The following SRGAP3 variants were observed in gnomAD, a reference collection of about 807,000 sequenced individuals.
The protein encoded by SRGAP3 is SLIT-ROBO Rho GTPase activating protein 3.
In SRGAP3, 39 loss-of-function variants were observed where a neutral mutation model predicts 121.1. That is an observed-to-expected ratio of 0.32 (90% CI 0.25 to 0.42). SRGAP3 has a LOEUF of 0.42. SRGAP3 is among the 10% of genes least tolerant of loss of function. SRGAP3 has a pLI of 1.00. For synonymous variants in SRGAP3, 601 were observed against 570.0 expected (o/e 1.05, Z -0.77); for missense variants, 1,213 against 1,470.6 (o/e 0.82, Z 2.86).
rs760600147 is a variant in SRGAP3 at position 8,994,440 on chromosome 3, G to C, written c.2311C>G (p.Leu771Val). Residue 771 changes from leucine to valine, a missense_variant, in exon 19 of 22, where the codon CTG becomes GTG. Transcript: ENST00000383836. ...RELSFKKGAS[L>V]LLYHRASEDW... ...TCCGAGGCGCGGTGGTACAGGAGCA[G>C]CGAGGCCCCCTTCTTGAAGGATAGC... The C allele has an allele frequency of 6.2e-7, 1 of 1,614,094 alleles. No homozygotes were observed. Among genetic ancestry groups the C allele is most frequent in the East Asian group, 2.2e-5 (1 of 44,890 alleles).
At chr3:9,356,183 CTTTTT>C (rs916919134) in intron 1 of SRGAP3, among the ~76,000 whole-genome samples, 4 of 136,762 alleles carry the variant, frequency 2.9e-5, no homozygotes, top group African/African-American at 1.2e-4. Context: ...GTTTATGGGA[CTTTTT>C]TTTCTTTTTT....
intron 10 of SRGAP3, among the ~76,000 whole-genome samples, chr3:9,046,882 G>A (rs1008742020): frequency 4.0e-5 from 6 of 151,660 alleles, no homozygotes; most frequent in East Asian, 2.0e-4. Flanking sequence ...CCAGGCTGGA[G>A]TGCAGTGGCA....
At chr3:9,243,728 G>C (rs1235623554) in intron 1 of SRGAP3, among the ~76,000 whole-genome samples, 1 of 151,946 alleles carries the variant, frequency 6.6e-6, no homozygotes, top group Non-Finnish European at 1.5e-5. Flanking sequence ...AATGACTGAA[G>C]ATGAAATAGG....
intron 1 of SRGAP3, among the ~76,000 whole-genome samples, chr3:9,226,849 C>T (rs1194743171): frequency 1.3e-5 from 2 of 152,166 alleles, no homozygotes; most frequent in African/African-American, 2.4e-5. Flanking sequence ...GCTGATGGCT[C>T]TTCATTTCAT....
intron 3 of SRGAP3, among the ~76,000 whole-genome samples, chr3:9,085,916 C>T (rs1489426820): frequency 2.6e-5 from 4 of 152,260 alleles, no homozygotes; most frequent in East Asian, 3.9e-4. Flanking sequence ...CCATGACACA[C>T]GTTTACCTAT....
intron 1 of SRGAP3, among the ~76,000 whole-genome samples, chr3:9,228,834 G>A (rs1467657459): frequency 5.3e-5 from 8 of 151,888 alleles, no homozygotes; most frequent in East Asian, 1.9e-4. Context: ...AGGCCGAGGC[G>A]GGTGGATCAT....
In SRGAP3 at chr3:9,264,155, C is replaced by T. The variant is rs140440875; in HGVS notation, n.442+61855G>A. 7.5e-3 allele frequency among the ~76,000 whole-genome samples: 1,147 copies of T among 152,140 alleles called. 6 individuals are homozygous for T. The highest frequency in any genetic ancestry group is 0.012 in the Non-Finnish European group (792 of 67,964). ...TCTCAATAGATGCAGAAAAGGTCTT[C>T]GATAAAATTCAACACCCCTTCATGC... On this transcript the variant is annotated intron_variant and non_coding_transcript_variant, in intron 3 of 3. Transcript: ENST00000490889.
chr3:9,304,810 C>T (rs1955129888), intron 3 of SRGAP3, among the ~76,000 whole-genome samples: 1 of 152,176 alleles, frequency 6.6e-6, no homozygotes, highest in Non-Finnish European at 1.5e-5. Flanking sequence ...AAGAAACTCC[C>T]AGGGGACAGG....
intron 1 of SRGAP3, among the ~76,000 whole-genome samples, chr3:9,331,110 T>C (rs570375560): frequency 1.6e-4 from 24 of 152,358 alleles, no homozygotes; most frequent in Non-Finnish European, 2.9e-4. Flanking sequence ...TTTTTTTCTC[T>C]TTTTGCTTTT....
chr3:9,220,930 C>G (rs1952791641), intron 1 of SRGAP3, among the ~76,000 whole-genome samples: 1 of 152,168 alleles, frequency 6.6e-6, no homozygotes, highest in Non-Finnish European at 1.5e-5. Context: ...CCTCACAGCC[C>G]AGGGCAGACC....
chr3:9,287,478 G>A lies in SRGAP3; in HGVS notation n.442+38532C>T, dbSNP rs1439919095. 2.0e-5 allele frequency among the ~76,000 whole-genome samples: 3 copies of A among 152,164 alleles called. 1 individual carries two copies. The highest frequency in any genetic ancestry group is 2.0e-4 in the Admixed American group (3 of 15,272). On this transcript the variant is annotated intron_variant and non_coding_transcript_variant, in intron 3 of 3. Transcript: ENST00000490889. ...TTGCATATATAATCCTACATTCACA[G>A]TGATTTTCCCTTAGCATATGTAAGA... is the stretch of plus-strand genomic sequence containing the variant.
At chr3:9,030,158 A>AATGAATGG (rs1234631472) in intron 12 of SRGAP3, among the ~76,000 whole-genome samples, 7 of 102,318 alleles carry the variant, frequency 6.8e-5, no homozygotes, top group African/African-American at 2.6e-4. Flanking sequence ...TCAATAAATG[A>AATGAATGG]ATGAATGAAT....
chr3:9,174,004 G>A (rs760561065), intron 1 of SRGAP3, among the ~76,000 whole-genome samples: 1 of 150,540 alleles, frequency 6.6e-6, no homozygotes, highest in African/African-American at 2.4e-5. Flanking sequence ...GGATGGATGG[G>A]TCAACCAGAT....
chr3:9,320,282 T>C (rs547287306), intron 3 of SRGAP3, among the ~76,000 whole-genome samples: 23 of 152,052 alleles, frequency 1.5e-4, no homozygotes, highest in African/African-American at 5.1e-4. Context: ...AAAACTGATA[T>C]ATATGGTTTG....
At chr3:9,289,601 C>T (rs1411940018) in intron 3 of SRGAP3, among the ~76,000 whole-genome samples, 4 of 152,190 alleles carry the variant, frequency 2.6e-5, no homozygotes, top group African/African-American at 4.8e-5. Flanking sequence ...GGCCCTACAA[C>T]CAGCCCCGAT....
chr3:9,141,482 G>A lies in SRGAP3; in HGVS notation c.68-16565C>T, dbSNP rs562390793. Among the ~76,000 whole-genome samples the A allele has an allele frequency of 2.0e-5, 3 of 151,746 alleles. No individual in the cohort carries two copies. The East Asian group carries it at 5.8e-4, about 29-fold the overall frequency. ...AGTTATTACCCATGACCTCATCCTG[G>A]CAACTTTGCAAATTCTTGCCAATTG... is the stretch of plus-strand genomic sequence containing the variant. On this transcript the variant is annotated intron_variant, in intron 1 of 21. Transcript: ENST00000383836.
At chr3:9,280,852 G>GT (rs1954662555) in intron 3 of SRGAP3, among the ~76,000 whole-genome samples, 3 of 152,176 alleles carry the variant, frequency 2.0e-5, no homozygotes, top group Non-Finnish European at 4.4e-5. Context: ...AACCCAAATA[G>GT]TAACTATGGC....
At chr3:9,088,924 C>T (rs927594988) in intron 3 of SRGAP3, among the ~76,000 whole-genome samples, 2 of 152,118 alleles carry the variant, frequency 1.3e-5, no homozygotes, top group African/African-American at 2.4e-5. Context: ...CTCCCTCCAC[C>T]CAGCCATGTC....
intron 3 of SRGAP3, among the ~76,000 whole-genome samples, chr3:9,270,797 TAAGC>T (rs1346752670): frequency 1.3e-5 from 2 of 152,206 alleles, no homozygotes; most frequent in South Asian, 2.1e-4. Context: ...TGTTATTATT[TAAGC>T]AAGAGATTTT....
Sources: allele counts gnomAD v4.1 joint callset (sites outside exome capture counted in the v4.1 genomes callset), GRCh38; gene constraint gnomAD v4.1.1; transcripts MANE v1.5; gene names NCBI Gene and HGNC (gene_info 2026-07-23, HGNC 2026-07-21).